Variants in ATRN observed in about 807,000 individuals in gnomAD.
ATRN encodes the protein attractin.
Under a neutral mutation model 178.7 loss-of-function variants are expected in ATRN, and 54 were observed. That is an observed-to-expected ratio of 0.30 (90% CI 0.24 to 0.38). ATRN has a LOEUF of 0.38. ATRN is among the 10% of genes least tolerant of loss of function. The pLI is 1.00. For synonymous variants in ATRN, 636 were observed against 663.0 expected, an observed-to-expected ratio of 0.96 and a Z score of 0.63; for missense variants, 1,443 against 1,815.1, an observed-to-expected ratio of 0.79 and a Z score of 3.73.
intron 6 of ATRN, among the ~76,000 whole-genome samples, chr20:3,554,775 T>G (rs1363996394): frequency 7.2e-5 from 11 of 152,092 alleles, no homozygotes; most frequent in Non-Finnish European, 4.4e-5. Context: ...TACCCAATGG[T>G]CCTCTTGTGA....
At chr20:3,542,480 T>C (rs998585633) in intron 3 of ATRN, among the ~76,000 whole-genome samples, 9 of 152,152 alleles carry the variant, frequency 5.9e-5, no homozygotes, top group African/African-American at 1.9e-4. Context: ...AGAGTTTTTT[T>C]TTTTTTTTAG....
rs1555805313 is a variant in ATRN, at chr20:3,471,048, G to C, written c.-60G>C. ...CCCGCCCCGCACGGCCAGGCGAAGC[G>C]GAGCCGGCCGTGCGGTGTGTGTGTA... is the stretch of plus-strand genomic sequence containing the variant. On this transcript the variant is annotated 5_prime_UTR_variant, in exon 1 of 29. Coordinates refer to ENST00000262919, the MANE Select transcript of ATRN (RefSeq NM_139321.3). The C allele has an allele frequency of 6.9e-7, 1 of 1,440,718 alleles. No individual in the cohort carries two copies. The highest frequency in any genetic ancestry group is 9.1e-7 in the Non-Finnish European group (1 of 1,102,668). 89.2% of individuals were successfully genotyped at this position (1,440,718 alleles called of 1,614,324 possible). A position where few individuals can be genotyped will look rare whatever the true frequency, so the allele number is the denominator to read the frequency against.
intron 24 of ATRN, among the ~76,000 whole-genome samples, chr20:3,607,429 A>G (rs1485292414): frequency 6.6e-6 from 1 of 152,112 alleles, no homozygotes; most frequent in Non-Finnish European, 1.5e-5. Flanking sequence ...CTCTACCTCC[A>G]TGAGATCAGT....
chr20:3,481,922 C>T (rs1262621567), intron 1 of ATRN, among the ~76,000 whole-genome samples: 1 of 150,250 alleles, frequency 6.7e-6, no homozygotes, highest in Non-Finnish European at 1.5e-5. Context: ...ACTAATAAGC[C>T]AGTAAACATT....
rs957693644 is a variant in ATRN at position 3,638,170 on chromosome 20, A to T, written c.3943-658A>T. Among the ~76,000 whole-genome samples the T allele has an allele frequency of 2.0e-5, 3 of 152,098 alleles. No individual in the cohort carries two copies. The highest frequency in any genetic ancestry group is 2.9e-5 in the Non-Finnish European group (2 of 68,012). ...TGGGATACATGTACAGAACATGTAGATTTGTTACATAGGTATACATGTGCC... is the reference window on the plus strand; with the variant it reads ...TGGGATACATGTACAGAACATGTAGTTTTGTTACATAGGTATACATGTGCC... On this transcript the variant is annotated intron_variant, in intron 26 of 28. Transcript: ENST00000262919. The surrounding 1 kb of genome is among the most constrained non-coding windows in gnomAD (Gnocchi z 4.5).
At chr20:3,479,267 T>G (rs1273151243) in intron 1 of ATRN, among the ~76,000 whole-genome samples, 1 of 152,244 alleles carries the variant, frequency 6.6e-6, no homozygotes, top group Non-Finnish European at 1.5e-5. Context: ...TGTTAGGTAC[T>G]GTGCCCTTCC....
intron 23 of ATRN, among the ~76,000 whole-genome samples, chr20:3,602,963 CAAAAAAAAA>C (rs3842439): frequency 0.039 from 1,599 of 40,674 alleles, 15 homozygotes; most frequent in African/African-American, 0.14. Context: ...AATTCCATCT[CAAAAAAAAA>C]AAAAAAAAAA....
chr20:3,483,545 A>T (rs910422687), intron 1 of ATRN, among the ~76,000 whole-genome samples: 3 of 152,134 alleles, frequency 2.0e-5, no homozygotes, highest in African/African-American at 7.2e-5. Flanking sequence ...ACCAGGCTTC[A>T]CTATGTTGCC....
chr20:3,492,811 C>T (rs1200339978), intron 1 of ATRN, among the ~76,000 whole-genome samples: 2 of 148,090 alleles, frequency 1.4e-5, no homozygotes, highest in Non-Finnish European at 3.0e-5. Flanking sequence ...GCTGTACTGT[C>T]CAGAGAGAGA....
intron 20 of ATRN, among the ~76,000 whole-genome samples, 190 bp downstream of exon 20, chr20:3,594,762 G>A (rs2086500752): frequency 6.6e-6 from 1 of 152,194 alleles, no homozygotes; most frequent in South Asian, 2.1e-4. Flanking sequence ...GGAGGTCGTC[G>A]AGTTAGCAGC....
intron 1 of ATRN, chr20:3,490,044 C>T: frequency 9.1e-7 from 1 of 1,092,960 alleles, no homozygotes; most frequent in Non-Finnish European, 1.4e-6. Context: ...ATTCATAGAT[C>T]TGGGCTTCTA....
At chr20:3,608,506 C>A (rs189388121) in intron 24 of ATRN, among the ~76,000 whole-genome samples, 55 of 152,258 alleles carry the variant, frequency 3.6e-4, no homozygotes, top group Non-Finnish European at 1.2e-4. Context: ...TTATTGAAAA[C>A]CAGTTGGCCG....
In ATRN at chr20:3,638,228, C is replaced by G. The variant is rs1414042736; in HGVS notation, c.3943-600C>G. Among the ~76,000 whole-genome samples the G allele has an allele frequency of 6.6e-6, 1 of 152,166 alleles. No homozygotes were observed. The highest frequency in any genetic ancestry group is 1.5e-5 in the Non-Finnish European group (1 of 68,032). ...TTTGCCGCACCTATCAGCCTGTTAT[C>G]TAGGTTTTAAGCCCTGCATGCATTT... On this transcript the variant is annotated intron_variant, in intron 26 of 28. Coordinates refer to ENST00000262919, the MANE Select transcript of ATRN (RefSeq NM_139321.3). This position sits in a 1 kb window ranked among gnomAD's most constrained non-coding sequence, Gnocchi z 4.5.
intron 1 of ATRN, among the ~76,000 whole-genome samples, chr20:3,472,242 G>T (rs1366221955): frequency 1.3e-5 from 2 of 152,180 alleles, no homozygotes; most frequent in Non-Finnish European, 2.9e-5. Context: ...TTAATTAGCA[G>T]TTATCGTTAT....
At chr20:3,644,944 T>G (rs1264813666) in intron 28 of ATRN, among the ~76,000 whole-genome samples, 2 of 152,228 alleles carry the variant, frequency 1.3e-5, no homozygotes, top group East Asian at 3.8e-4. Context: ...TTCATATAAC[T>G]ATCTTAAACA....
intron 1 of ATRN, among the ~76,000 whole-genome samples, chr20:3,492,189 G>GTT (rs1287287160): frequency 6.6e-6 from 1 of 151,466 alleles, no homozygotes; most frequent in East Asian, 1.9e-4. Flanking sequence ...GTGTGTGTGT[G>GTT]TGTGTGTGTG....
At chr20:3,539,209 C>T (rs768001340) in intron 2 of ATRN, among the ~76,000 whole-genome samples, 1 of 152,090 alleles carries the variant, frequency 6.6e-6, no homozygotes, top group Non-Finnish European at 1.5e-5. Flanking sequence ...TTGATATTCC[C>T]AGAGCTTTCT....
chr20:3,491,882 G>A (rs1208248617), intron 1 of ATRN, among the ~76,000 whole-genome samples: 1 of 152,174 alleles, frequency 6.6e-6, no homozygotes, highest in East Asian at 1.9e-4. Context: ...TCTGGAAAGT[G>A]TAAGGTTGTA....
At chr20:3,478,534 G>C (rs780326218) in intron 1 of ATRN, among the ~76,000 whole-genome samples, 3 of 152,084 alleles carry the variant, frequency 2.0e-5, no homozygotes, top group Non-Finnish European at 4.4e-5. Context: ...TGGGGCTTTC[G>C]GTGGGTAGGG....
Sources: allele counts gnomAD v4.1 joint callset (sites outside exome capture counted in the v4.1 genomes callset), GRCh38; gene constraint gnomAD v4.1.1; non-coding constraint Gnocchi (gnomAD v3.1); transcripts MANE v1.5; gene names NCBI Gene and HGNC (gene_info 2026-07-23, HGNC 2026-07-21).